RAB40C: variants seen among roughly 807,000 people sequenced by gnomAD.
RAB40C encodes RAB40C, member RAS oncogene family, also known as ras-related protein Rab-40C.
In RAB40C, 8 loss-of-function variants were observed where a neutral mutation model predicts 28.1. The observed-to-expected ratio is 0.28, with a 90% confidence interval of 0.17 to 0.51. The LOEUF is 0.51. RAB40C is among the 20% of genes least tolerant of loss of function. The probability of loss-of-function intolerance (pLI) is 0.97; values close to 1 mark genes in which losing one functional copy is unlikely to be tolerated. For synonymous variants in RAB40C, 201 were observed against 171.7 expected (o/e 1.17, Z -1.34); for missense variants, 288 against 405.9 (o/e 0.71, Z 2.50).
At chr16:596,341 T>C in intron 1 of RAB40C, 1 of 456,094 alleles carries the variant, frequency 2.2e-6, no homozygotes, top group Non-Finnish European at 4.4e-6. Context: ...GGCGCGAAGC[T>C]GCTGGTCCCT....
At position 590,137 on chromosome 16, in the gene RAB40C, C is replaced by G. The variant is rs1455498570; in HGVS notation, c.-155C>G. 3.5e-4 allele frequency: 103 copies of G among 294,710 alleles called. No homozygotes were observed. Among genetic ancestry groups the G allele is most frequent in the Admixed American group, 1.5e-3 (22 of 14,574 alleles). 18.3% of individuals were successfully genotyped at this position (294,710 alleles called of 1,614,324 possible). On this transcript the variant is annotated 5_prime_UTR_variant, in exon 1 of 6. Transcript: ENST00000248139. ...AGGCTGAGGTGCGCCCGGGCGCGGGCGGGGCGGGGCCGGCGCTGGGCTTCG... is the reference window on the plus strand; with the variant it reads ...AGGCTGAGGTGCGCCCGGGCGCGGGGGGGGCGGGGCCGGCGCTGGGCTTCG...
intron 1 of RAB40C, among the ~76,000 whole-genome samples, chr16:594,793 A>G (rs1360774806): frequency 6.8e-6 from 1 of 146,484 alleles, no homozygotes; most frequent in East Asian, 2.0e-4. Flanking sequence ...CCTCCCCTGC[A>G]CTTGATTAGG....
chr16:611,553 C>T (rs893237299), intron 1 of RAB40C, among the ~76,000 whole-genome samples: 7 of 152,228 alleles, frequency 4.6e-5, no homozygotes, highest in African/African-American at 1.4e-4. Context: ...GGCCTGAGCG[C>T]GGTGCCTCCC....
Position 617,201 on chromosome 16 carries a change from C to A in RAB40C, c.143-7C>A. ...GCGTCCCCTCAGCGCCCTGTGCTTC[C>A]TCGCAGGGATCGACTACAAGACCAC... On this transcript the variant is annotated splice_region_variant and splice_polypyrimidine_tract_variant and intron_variant, in intron 1 of 5. Coordinates refer to ENST00000248139, the MANE Select transcript of RAB40C (RefSeq NM_021168.5). 6.2e-7 allele frequency: 1 copy of A among 1,613,648 alleles called. No individual in the cohort carries two copies. Among genetic ancestry groups the A allele is most frequent in the Non-Finnish European group, 8.5e-7 (1 of 1,179,956 alleles).
chr16:621,236 G>A (rs1024850399), intron 3 of RAB40C, among the ~76,000 whole-genome samples: 4 of 152,330 alleles, frequency 2.6e-5, no homozygotes, highest in East Asian at 1.9e-4. Context: ...GGGCCACCCC[G>A]GGAGCCCAGC....
chr16:620,123 G>A (rs886468995), intron 3 of RAB40C, among the ~76,000 whole-genome samples: 5 of 152,208 alleles, frequency 3.3e-5, no homozygotes, highest in African/African-American at 1.2e-4. Flanking sequence ...GGGCTGGTGC[G>A]GTGGTTCACG....
chr16:622,234 A>G, intron 3 of RAB40C, among the ~76,000 whole-genome samples: 1 of 149,552 alleles, frequency 6.7e-6, no homozygotes, highest in East Asian at 2.0e-4. Context: ...GATCAAAAAA[A>G]GGTGTAAACG....
At chr16:591,266 T>G (rs1312295198) in intron 1 of RAB40C, among the ~76,000 whole-genome samples, 13 of 148,880 alleles carry the variant, frequency 8.7e-5, no homozygotes, top group African/African-American at 3.0e-4. Flanking sequence ...TGAGGGAAGG[T>G]GTCATAGATC....
At chr16:600,523 C>T (rs182447100) in intron 1 of RAB40C, among the ~76,000 whole-genome samples, 40 of 152,238 alleles carry the variant, frequency 2.6e-4, no homozygotes, top group Admixed American at 2.2e-3. Flanking sequence ...GAGGCCGAGG[C>T]GGGCGGATCA....
At chr16:602,634 T>C (rs1487255521) in intron 1 of RAB40C, among the ~76,000 whole-genome samples, 1 of 152,092 alleles carries the variant, frequency 6.6e-6, no homozygotes, top group Non-Finnish European at 1.5e-5. Context: ...GGTTTCACCA[T>C]GTCGGCCAGG....
intron 1 of RAB40C, among the ~76,000 whole-genome samples, chr16:600,934 C>T (rs2036235875): frequency 1.3e-5 from 2 of 152,230 alleles, no homozygotes; most frequent in African/African-American, 4.8e-5. Context: ...TGGTGTGTGG[C>T]AGCTGCGTGA....
chr16:592,697 A>G (rs1001407300), intron 1 of RAB40C, among the ~76,000 whole-genome samples: 5 of 152,210 alleles, frequency 3.3e-5, no homozygotes, highest in Admixed American at 6.5e-5. Flanking sequence ...GTGTTTGTGC[A>G]TGTTCAGAAG....
In RAB40C at chr16:627,781, A is replaced by C. The variant is rs553241288; in HGVS notation, c.*159A>C. ...ACCTGAGCCGGGTGCGAGGAGGAGC[A>C]TGCACGGACCAAGCGCGGCAGGCGG... On this transcript the variant is annotated 3_prime_UTR_variant, in exon 6 of 6. Coordinates refer to ENST00000248139, the MANE Select transcript of RAB40C (RefSeq NM_021168.5). 182 of 909,536 alleles carry C rather than the reference A, an allele frequency of 2.0e-4. 1 individual carries two copies. Among genetic ancestry groups the C allele is most frequent in the Non-Finnish European group, 2.4e-4 (156 of 648,952 alleles). 56.3% of individuals were successfully genotyped at this position (909,536 alleles called of 1,614,324 possible).
chr16:604,958 T>TGA lies in RAB40C; in HGVS notation c.143-12248_143-12247dup, dbSNP rs572384263. Among the ~76,000 whole-genome samples, 314 of 152,244 alleles carry TGA rather than the reference T, an allele frequency of 2.1e-3. 1 individual carries two copies. The highest frequency in any genetic ancestry group is 7.6e-3 in the Admixed American group (116 of 15,292). ...TTGTGGTCCCAGTTACTTGGGAGGCTGAGGCAGGACAATCACTTGAACCCG... is the reference window on the plus strand; with the variant it reads ...TTGTGGTCCCAGTTACTTGGGAGGCTGAGAGGCAGGACAATCACTTGAACCCG... On this transcript the variant is annotated intron_variant, in intron 1 of 5. Coordinates refer to ENST00000248139, the MANE Select transcript of RAB40C (RefSeq NM_021168.5).
At chr16:605,731 A>G (rs1344309043) in intron 1 of RAB40C, among the ~76,000 whole-genome samples, 1 of 151,748 alleles carries the variant, frequency 6.6e-6, no homozygotes, top group Non-Finnish European at 1.5e-5. Flanking sequence ...ATGTTGGGTG[A>G]CTCTCACAGG....
In RAB40C at chr16:627,517, C is replaced by A. The variant is rs375833821; in HGVS notation, c.741C>A (p.Ala247=). The A allele has an allele frequency of 6.2e-7, 1 of 1,613,690 alleles. No individual in the cohort carries two copies. The highest frequency in any genetic ancestry group is 8.5e-7 in the Non-Finnish European group (1 of 1,179,988). ...HGRSYSLASG[A]GGGGSKGNSL... is the part of the protein sequence containing the mutation. ...GTTCCTACTCCCTGGCCAGCGGGGC[C>A]GGGGGCGGCGGCAGCAAGGGCAACA... The change falls in exon 6 of 6, where the codon GCC becomes GCA. Residue 247 remains alanine, a synonymous_variant. Transcript: ENST00000248139.
At chr16:599,695 C>T (rs74000837) in intron 1 of RAB40C, among the ~76,000 whole-genome samples, 13,581 of 99,130 alleles carry the variant, frequency 0.14, 2,109 homozygotes, top group African/African-American at 0.26. Context: ...AGCGTGGATT[C>T]GCAAGGTTTT....
intron 3 of RAB40C, among the ~76,000 whole-genome samples, chr16:622,489 C>A (rs1472138933): frequency 6.6e-6 from 1 of 152,222 alleles, no homozygotes; most frequent in Admixed American, 6.5e-5. Context: ...CCTGACTCAT[C>A]CCCTAGAGCA....
Position 622,661 on chromosome 16 carries a change from G to A in RAB40C, c.265-2771G>A, listed in dbSNP as rs901794161. ...TAGCTAGAACTAGGTGTGCACCACCGCGTCCAGCTAATTTTTGTATTTTTA... is the reference window on the plus strand; with the variant it reads ...TAGCTAGAACTAGGTGTGCACCACCACGTCCAGCTAATTTTTGTATTTTTA... On this transcript the variant is annotated intron_variant, in intron 3 of 5. Transcript: ENST00000248139. 1.7e-3 allele frequency among the ~76,000 whole-genome samples: 260 copies of A among 152,198 alleles called. 1 individual carries two copies. The highest frequency in any genetic ancestry group is 3.4e-3 in the Middle Eastern group (1 of 294).
Sources: gnomAD v4.1 joint callset for allele counts (sites outside exome capture counted in the v4.1 genomes callset) on GRCh38, gnomAD v4.1.1 for gene constraint, MANE v1.5 for transcripts, NCBI Gene and HGNC (gene_info 2026-07-23, HGNC 2026-07-21) for gene names.